The following RSRC1 variants were observed in gnomAD, a reference collection of about 807,000 sequenced individuals.
RSRC1 encodes the protein arginine and serine rich coiled-coil 1.
In RSRC1, 39 loss-of-function variants were observed where a neutral mutation model predicts 49.1. That is an observed-to-expected ratio of 0.79 (90% CI 0.61 to 1.04). The LOEUF (loss-of-function observed/expected upper bound fraction) is 1.04, where lower values mean the gene tolerates loss of function less well. RSRC1 is among the 50% of genes least tolerant of loss of function. The pLI, the probability that RSRC1 is intolerant of heterozygous loss-of-function variation, is 0.00. For missense variants in RSRC1, 388 were observed against 402.4 expected, an observed-to-expected ratio of 0.96 and a Z score of 0.31; for synonymous variants, 143 against 130.8, an observed-to-expected ratio of 1.09 and a Z score of -0.63.
At chr3:158,442,050 A>C (rs991773225) in intron 6 of RSRC1, among the ~76,000 whole-genome samples, 1 of 152,162 alleles carries the variant, frequency 6.6e-6, no homozygotes, top group Non-Finnish European at 1.5e-5. Context: ...TGTCTAAAAA[A>C]CAATGTACAT....
intron 7 of RSRC1, among the ~76,000 whole-genome samples, chr3:158,491,553 T>TA (rs1739085105): frequency 6.6e-6 from 1 of 152,220 alleles, no homozygotes; most frequent in African/African-American, 2.4e-5. Context: ...TTGGCTTTGT[T>TA]ATAATAAAAT....
chr3:158,276,839 T>G (rs971989513), intron 4 of RSRC1, among the ~76,000 whole-genome samples: 1 of 152,164 alleles, frequency 6.6e-6, no homozygotes, highest in African/African-American at 2.4e-5. Flanking sequence ...TCTTAGTGAT[T>G]GTCATGCAAA....
Position 158,382,542 on chromosome 3 carries a change from T to G in RSRC1, c.583+27634T>G, listed in dbSNP as rs1406207013. Among the ~76,000 whole-genome samples the G allele has an allele frequency of 2.6e-5, 4 of 152,166 alleles. No individual in the cohort carries two copies. The East Asian group carries it at 7.7e-4, about 29-fold the overall frequency. On this transcript the variant is annotated intron_variant, in intron 6 of 9. Transcript: ENST00000611884. The stretch of plus-strand genomic sequence containing the variant: ...ATGTCTTTTCTTGACCAAAACATTA[T>G]TATCTGGTGCATGATTGTAGGTCTC...
intron 6 of RSRC1, among the ~76,000 whole-genome samples, chr3:158,443,323 C>T (rs776259731): frequency 1.3e-5 from 2 of 152,150 alleles, no homozygotes; most frequent in East Asian, 1.9e-4. Context: ...TGTCATTTAG[C>T]GTAGCCGCCT....
At chr3:158,311,422 G>T (rs964379818) in intron 5 of RSRC1, among the ~76,000 whole-genome samples, 2 of 151,470 alleles carry the variant, frequency 1.3e-5, no homozygotes, top group Non-Finnish European at 3.0e-5. Flanking sequence ...TTTAAATCCA[G>T]CCTTTAATAT....
intron 4 of RSRC1, among the ~76,000 whole-genome samples, chr3:158,243,084 T>TC: frequency 6.6e-6 from 1 of 152,336 alleles, no homozygotes; most frequent in East Asian, 1.9e-4. Context: ...TTGCTTTTGT[T>TC]GCAATTGTTT....
intron 6 of RSRC1, among the ~76,000 whole-genome samples, chr3:158,384,905 G>A (rs1394429053): frequency 6.6e-6 from 1 of 152,036 alleles, no homozygotes; most frequent in Non-Finnish European, 1.5e-5. Context: ...GGGCCAGAAA[G>A]AGCAAATAAA....
Position 158,231,533 on chromosome 3 carries a change from A to C in RSRC1, c.494+28288A>C, listed in dbSNP as rs577905511. Among the ~76,000 whole-genome samples, 10 of 152,190 alleles carry C rather than the reference A, an allele frequency of 6.6e-5. No individual in the cohort carries two copies. In the East Asian group the frequency reaches 1.9e-3, roughly 29 times the overall value. On this transcript the variant is annotated intron_variant, in intron 4 of 9. Transcript: ENST00000611884. ...CTTTTATTTGAAGTTAGCATTTTCT[A>C]ATTCTCTGGTCACGTGTGTAACTCG...
At chr3:158,130,369 A>G (rs1715934788) in intron 3 of RSRC1, among the ~76,000 whole-genome samples, 1 of 152,162 alleles carries the variant, frequency 6.6e-6, no homozygotes, top group Non-Finnish European at 1.5e-5. Context: ...ATTTATTTCC[A>G]CACTTTTTGA....
At chr3:158,243,529 G>A (rs188975045) in intron 4 of RSRC1, among the ~76,000 whole-genome samples, 22 of 152,196 alleles carry the variant, frequency 1.4e-4, no homozygotes, top group African/African-American at 4.8e-4. Flanking sequence ...GGCTATTGCA[G>A]CTTTTTTTGC....
At chr3:158,379,322 T>C (rs1560017863) in intron 6 of RSRC1, among the ~76,000 whole-genome samples, 1 of 148,128 alleles carries the variant, frequency 6.8e-6, no homozygotes. Flanking sequence ...TGCCTCAGCC[T>C]CCTGAGTAGC....
intron 6 of RSRC1, among the ~76,000 whole-genome samples, chr3:158,376,619 C>A (rs1732390865): frequency 6.6e-6 from 1 of 152,166 alleles, no homozygotes; most frequent in Admixed American, 6.5e-5. Flanking sequence ...GCAGTAACTA[C>A]AGTAGTCATA....
intron 7 of RSRC1, among the ~76,000 whole-genome samples, chr3:158,514,828 T>C (rs1030709981): frequency 4.6e-5 from 7 of 152,270 alleles, no homozygotes; most frequent in Non-Finnish European, 7.3e-5. Flanking sequence ...ATAATTAAGA[T>C]AGTTATCTCT....
At chr3:158,220,796 T>C (rs964987343) in intron 4 of RSRC1, among the ~76,000 whole-genome samples, 2 of 151,620 alleles carry the variant, frequency 1.3e-5, no homozygotes, top group East Asian at 3.9e-4. Context: ...GTAATCTTTT[T>C]ACTGGCTTTA....
At chr3:158,264,450 T>C (rs981244687) in intron 4 of RSRC1, among the ~76,000 whole-genome samples, 1 of 152,246 alleles carries the variant, frequency 6.6e-6, no homozygotes, top group Non-Finnish European at 1.5e-5. Flanking sequence ...AGCTCTATTT[T>C]GATGAATGGT....
intron 7 of RSRC1, among the ~76,000 whole-genome samples, chr3:158,500,002 T>G (rs1401624980): frequency 2.0e-5 from 3 of 152,220 alleles, no homozygotes; most frequent in Non-Finnish European, 4.4e-5. Context: ...GCTGTGAGTT[T>G]GTCATAAATG....
intron 5 of RSRC1, among the ~76,000 whole-genome samples, chr3:158,321,629 A>C (rs1728768881): frequency 6.6e-6 from 1 of 151,408 alleles, no homozygotes; most frequent in African/African-American, 2.4e-5. Flanking sequence ...TGACTGTATT[A>C]AGTTGGTGCA....
At chr3:158,260,907 C>G (rs1724857540) in intron 4 of RSRC1, among the ~76,000 whole-genome samples, 2 of 152,330 alleles carry the variant, frequency 1.3e-5, no homozygotes, top group South Asian at 2.1e-4. Context: ...TGCACAGATT[C>G]TGTCTCTGCA....
At chr3:158,168,598 A>G (rs1030313663) in intron 3 of RSRC1, among the ~76,000 whole-genome samples, 4 of 152,142 alleles carry the variant, frequency 2.6e-5, no homozygotes, top group African/African-American at 7.2e-5. Flanking sequence ...TATAAATTCT[A>G]TTTTATTAAG....
Sources: allele counts gnomAD v4.1 joint callset (sites outside exome capture counted in the v4.1 genomes callset), GRCh38; gene constraint gnomAD v4.1.1; transcripts MANE v1.5; gene names NCBI Gene and HGNC (gene_info 2026-07-23, HGNC 2026-07-21).